Variants in PLCE1 observed in about 807,000 individuals in gnomAD.
PLCE1 encodes phospholipase C epsilon 1.
A neutral mutation model predicts 242.8 loss-of-function variants in PLCE1; 119 were observed. The ratio of observed to expected loss-of-function variants is 0.49; its 90% confidence interval spans 0.42 to 0.57. The LOEUF is 0.57. PLCE1 is among the 20% of genes least tolerant of loss of function. The pLI, the probability that PLCE1 is intolerant of heterozygous loss-of-function variation, is 0.00. For synonymous variants in PLCE1, 945 were observed against 1,017.4 expected (o/e 0.93, Z 1.35); for missense variants, 2,441 against 2,788.8 (o/e 0.88, Z 2.81).
Position 94,316,533 on chromosome 10 carries a change from CACTTT to C in PLCE1, c.6133-13_6133-9del. The C allele has an allele frequency of 6.3e-7, 1 of 1,581,088 alleles. No homozygotes were observed. Among genetic ancestry groups the C allele is most frequent in the Non-Finnish European group, 8.7e-7 (1 of 1,152,392 alleles). ...TTTGCCTCACTCCTCAGTTTGCCTTCACTTTTTCTTTAGATTCTGACAAATGAACA... is the reference window on the plus strand; with the variant it reads ...TTTGCCTCACTCCTCAGTTTGCCTTCTTCTTTAGATTCTGACAAATGAACA... On this transcript the variant is annotated splice_polypyrimidine_tract_variant and intron_variant, in intron 28 of 32. Transcript: ENST00000371380.
chr10:94,086,128 T>C (rs547299034), intron 2 of PLCE1, among the ~76,000 whole-genome samples: 1 of 152,280 alleles, frequency 6.6e-6, no homozygotes, highest in Admixed American at 6.5e-5. Flanking sequence ...CAGTGACTTC[T>C]GGTGTGGTTA....
chr10:94,007,851 G>A (rs149927457), intron 1 of PLCE1, among the ~76,000 whole-genome samples: 5 of 151,106 alleles, frequency 3.3e-5, no homozygotes, highest in Admixed American at 3.3e-4. Context: ...CTATAAATGA[G>A]TTCATACTAT....
chr10:94,225,855 A>G (rs531467788), intron 4 of PLCE1, among the ~76,000 whole-genome samples: 1 of 152,386 alleles, frequency 6.6e-6, no homozygotes, highest in African/African-American at 2.4e-5. Context: ...TACAGGCAGT[A>G]TGCCATTGAC....
intron 2 of PLCE1, among the ~76,000 whole-genome samples, chr10:94,077,947 A>G (rs2044553653): frequency 6.6e-6 from 1 of 152,266 alleles, no homozygotes; most frequent in Admixed American, 6.5e-5. Flanking sequence ...CTGTTCCAAA[A>G]AGCAAAAGAC....
At chr10:94,215,768 C>T (rs550742768) in intron 4 of PLCE1, among the ~76,000 whole-genome samples, 3 of 152,032 alleles carry the variant, frequency 2.0e-5, no homozygotes, top group African/African-American at 7.2e-5. Context: ...CGAGAAGGGC[C>T]GAGACAGAGC....
At chr10:94,251,658 C>T (rs975592534) in intron 8 of PLCE1, among the ~76,000 whole-genome samples, 1 of 152,148 alleles carries the variant, frequency 6.6e-6, no homozygotes, top group Non-Finnish European at 1.5e-5. Flanking sequence ...GCCTTAGAAG[C>T]AGTAGCTACT....
chr10:94,112,217 A>G (rs1316285151), intron 2 of PLCE1, among the ~76,000 whole-genome samples: 4 of 152,206 alleles, frequency 2.6e-5, no homozygotes, highest in Non-Finnish European at 5.9e-5. Context: ...ATGAAGCACA[A>G]GGAAGGTGAA....
intron 19 of PLCE1, among the ~76,000 whole-genome samples, chr10:94,276,837 A>G (rs562073027): frequency 6.6e-6 from 1 of 152,322 alleles, no homozygotes; most frequent in African/African-American, 2.4e-5. Context: ...TATTTTGGAA[A>G]AATGGGACAA....
chr10:94,085,522 G>T (rs1564673177), intron 2 of PLCE1, among the ~76,000 whole-genome samples: 2 of 152,196 alleles, frequency 1.3e-5, no homozygotes. Flanking sequence ...CCGAGTTCCT[G>T]CAGACAGGAC....
At position 94,236,082 on chromosome 10, in the gene PLCE1, C is replaced by G. The variant is rs2050314693; in HGVS notation, c.2382C>G (p.Ser794Arg). The change falls in exon 7 of 33, where the codon AGC (serine) becomes AGG (arginine). Residue 794 changes from serine (S) to arginine (R), a missense_variant. Physicochemically the swap from Ser to Arg is moderately radical, Grantham distance 110 (BLOSUM62 -1). Transcript: ENST00000371380. ...AGGACAGCCCCAGTGAAGGAAACAG[C>G]TCCAGGAAAAGCTCCTTGAAGGATA... ...DEEDSPSEGN[S>R]SRKSSLKDKS... 2 of 1,613,960 alleles carry G rather than the reference C, an allele frequency of 1.2e-6. No individual in the cohort carries two copies.
rs989903444 is a variant in PLCE1, at chr10:94,298,260, A to G, written c.5168-119A>G. 1.4e-5 allele frequency: 12 copies of G among 858,922 alleles called. No homozygotes were observed. The highest frequency in any genetic ancestry group is 2.3e-5 in the Non-Finnish European group (12 of 528,822). The allele number at this position is 858,922 out of a possible 1,614,324, so 53.2% of individuals were successfully genotyped here. A position where few individuals can be genotyped will look rare whatever the true frequency, so the allele number is the denominator to read the frequency against. Reference sequence around the variant, plus strand: ...AACTAACTCACAAGTAAAATCCAAGAGGTATTCTGATGTGGTTTATATGCT... The same window carrying G: ...AACTAACTCACAAGTAAAATCCAAGGGGTATTCTGATGTGGTTTATATGCT... On this transcript the variant is annotated intron_variant, in intron 23 of 32. Transcript: ENST00000371380. The surrounding 1 kb of genome is among the most constrained non-coding windows in gnomAD (Gnocchi z 5.2).
At chr10:94,143,767 T>G (rs2047039115) in intron 3 of PLCE1, among the ~76,000 whole-genome samples, 1 of 152,202 alleles carries the variant, frequency 6.6e-6, no homozygotes, top group African/African-American at 2.4e-5. Flanking sequence ...GTCTAACAAG[T>G]TTTGTCAACT....
At chr10:94,049,132 GTCTTT>G (rs2043691515) in intron 2 of PLCE1, among the ~76,000 whole-genome samples, 1 of 151,812 alleles carries the variant, frequency 6.6e-6, no homozygotes, top group Non-Finnish European at 1.5e-5. Flanking sequence ...TATTTTAATT[GTCTTT>G]TCTTTTTTGT....
At chr10:94,136,537 G>C (rs577276252) in intron 3 of PLCE1, among the ~76,000 whole-genome samples, 2 of 152,134 alleles carry the variant, frequency 1.3e-5, no homozygotes. Flanking sequence ...TTATGAGATG[G>C]GGGTCGTGGT....
At chr10:94,310,378 C>A (rs2053349554) in intron 27 of PLCE1, among the ~76,000 whole-genome samples, 1 of 152,166 alleles carries the variant, frequency 6.6e-6, no homozygotes, top group Non-Finnish European at 1.5e-5. Flanking sequence ...CTTCACTGTA[C>A]ATTTGTATCA....
At chr10:94,074,107 A>G (rs2044434513) in intron 2 of PLCE1, among the ~76,000 whole-genome samples, 1 of 151,016 alleles carries the variant, frequency 6.6e-6, no homozygotes, top group Non-Finnish European at 1.5e-5. Flanking sequence ...CATAAATATC[A>G]TTTCTATGGG....
At chr10:94,278,227 G>A (rs943122695) in intron 19 of PLCE1, among the ~76,000 whole-genome samples, 2 of 152,236 alleles carry the variant, frequency 1.3e-5, no homozygotes, top group Admixed American at 6.5e-5. Context: ...TGTATTACAC[G>A]AGTTCTTAAC....
At position 94,132,367 on chromosome 10, in the gene PLCE1, C is replaced by T. The variant is rs192219615; in HGVS notation, c.1400C>T (p.Thr467Ile). 1.2e-3 allele frequency: 2,007 copies of T among 1,614,052 alleles called. 1 individual carries two copies. The highest frequency in any genetic ancestry group is 1.6e-3 in the Non-Finnish European group (1,833 of 1,179,958). Reference sequence around the variant, plus strand: ...AGGACTTCAATATCGCAGTACATCACCGGTTCTCTCCTAGAAGCAACCACG... The same window carrying T: ...AGGACTTCAATATCGCAGTACATCATCGGTTCTCTCCTAGAAGCAACCACG... ...LQRTSISQYI[T>I]GSLLEATTSL... Residue 467 changes from threonine (T) to isoleucine (I), a missense_variant, in exon 3 of 33, where the codon ACC becomes ATC. By Grantham distance (89) the Thr-to-Ile change is moderately conservative. Coordinates refer to ENST00000371380, the MANE Select transcript of PLCE1 (RefSeq NM_016341.4).
chr10:94,002,367 G>A (rs2060947838), intron 1 of PLCE1, among the ~76,000 whole-genome samples: 3 of 152,118 alleles, frequency 2.0e-5, no homozygotes, highest in Admixed American at 2.0e-4. Context: ...AACAGGTGGA[G>A]GGCGTTCCTG....
Sources: allele counts gnomAD v4.1 joint callset (sites outside exome capture counted in the v4.1 genomes callset), GRCh38; gene constraint gnomAD v4.1.1; non-coding constraint Gnocchi (gnomAD v3.1); transcripts MANE v1.5; gene names NCBI Gene and HGNC (gene_info 2026-07-23, HGNC 2026-07-21).